Variants in SV2A observed in about 807,000 individuals in gnomAD.
SV2A encodes synaptic vesicle glycoprotein 2A, also known as solute carrier family 22 member B1.
In SV2A, 25 loss-of-function variants were observed where a neutral mutation model predicts 78.0. The observed-to-expected ratio is 0.32, with a 90% CI of 0.23 to 0.45. The LOEUF (loss-of-function observed/expected upper bound fraction) is 0.45, where lower values mean the gene tolerates loss of function less well. Among genes scored for constraint, SV2A ranks in the 20% least tolerant of loss-of-function variants. The probability of loss-of-function intolerance (pLI) is 1.00; values close to 1 mark genes in which losing one functional copy is unlikely to be tolerated. For synonymous variants in SV2A, 355 were observed against 384.7 expected, an observed-to-expected ratio of 0.92 and a Z score of 0.90; for missense variants, 752 against 971.5, an observed-to-expected ratio of 0.77 and a Z score of 3.00.
At chr1:149,909,375 C>T (rs2092460572) in intron 7 of SV2A, 86 bp downstream of exon 7, 3 of 1,547,024 alleles carry the variant, frequency 1.9e-6, no homozygotes, top group South Asian at 1.1e-5. Context: ...CTTCAGCTCA[C>T]CCATCACCCA....
At chr1:149,917,187 A>G (rs1196372497) in intron 1 of SV2A, among the ~76,000 whole-genome samples, 5 of 137,886 alleles carry the variant, frequency 3.6e-5, no homozygotes, top group African/African-American at 1.4e-4. Flanking sequence ...CCCGCCATCC[A>G]TGCCCCCAAC....
chr1:149,909,465 C>G lies in SV2A; in HGVS notation c.1286G>C (p.Gly429Ala), dbSNP rs1553763336. 6 of 1,613,330 alleles carry G rather than the reference C, an allele frequency of 3.7e-6. No homozygotes were observed. The East Asian group carries it at 1.1e-4, about 30-fold the overall frequency. The stretch of plus-strand genomic sequence containing the variant: ...TACCACCCCGTCCACCATTACCTGC[C>G]CCCCTAGGCTCAAGGCCCGGACCCC... ...RWGVRALSLGGQVWGNFLSCF... is the reference protein window; with the variant it reads ...RWGVRALSLGAQVWGNFLSCF... The change falls in exon 7 of 13, where the codon GGG becomes GCG. Residue 429 changes from glycine to alanine, a missense_variant. Gly to Ala is a moderately conservative substitution (Grantham distance 60). Coordinates refer to ENST00000369146, the MANE Select transcript of SV2A (RefSeq NM_014849.5).
chr1:149,906,037 C>T lies in SV2A; in HGVS notation c.1888G>A (p.Gly630Ser). ...GAGACACAGGACATCACGCTGGAGCCAGCTGGAGCCAGGAGAGGAGAGAGC... is the reference window on the plus strand; with the variant it reads ...GAGACACAGGACATCACGCTGGAGCTAGCTGGAGCCAGGAGAGGAGAGAGC... ...DKIGRLRMLAGSSVMSCVSCF... is the reference protein window; with the variant it reads ...DKIGRLRMLASSSVMSCVSCF... The change falls in exon 12 of 13, where the codon GGC (glycine) becomes AGC (serine). Residue 630 changes from glycine (G) to serine (S), a missense_variant and splice_region_variant. Physicochemically the swap from Gly to Ser is moderately conservative, Grantham distance 56. This residue lies in a region of SV2A where 186 missense variants were observed against 274.6 expected (regional missense o/e 0.68). Transcript: ENST00000369146. 6.2e-7 allele frequency: 1 copy of T among 1,614,068 alleles called. No individual in the cohort carries two copies. Among genetic ancestry groups the T allele is most frequent in the Non-Finnish European group, 8.5e-7 (1 of 1,180,020 alleles).
Position 149,913,939 on chromosome 1 carries a change from A to C in SV2A, c.-99T>G. The C allele has an allele frequency of 1.3e-6, 2 of 1,495,922 alleles. No homozygotes were observed. The highest frequency in any genetic ancestry group is 1.4e-5 in the South Asian group (1 of 73,388). 92.7% of individuals were successfully genotyped at this position (1,495,922 alleles called of 1,614,324 possible). ...TAGAGTCAAAAAGACCCCTCCCCAC[A>C]GTTACTTAGATGAAGCGTGTTCCAG... On this transcript the variant is annotated 5_prime_UTR_variant, in exon 2 of 13. Transcript: ENST00000369146.
rs1559789757 is a variant in SV2A, at chr1:149,910,650, C to T, written c.1009G>A (p.Val337Ile). 13 of 1,613,848 alleles carry T rather than the reference C, an allele frequency of 8.1e-6. No individual in the cohort carries two copies. The highest frequency in any genetic ancestry group is 2.2e-5 in the South Asian group (2 of 91,034). Residue 337 changes from valine to isoleucine, a missense_variant, in exon 5 of 13, where the codon GTC becomes ATC. By Grantham distance (29) the Val-to-Ile change is conservative (BLOSUM62 3). Coordinates refer to ENST00000369146, the MANE Select transcript of SV2A (RefSeq NM_014849.5). The surrounding 1 kb of genome is among the most constrained non-coding windows in gnomAD (Gnocchi z 4.2). Reference sequence around the variant, plus strand: ...ACAGAAGGAAAGGCGCAGACGAGGACGAAGACCCTCCAGCTGTGGAACTGG... The same window carrying T: ...ACAGAAGGAAAGGCGCAGACGAGGATGAAGACCCTCCAGCTGTGGAACTGG... ...AYQFHSWRVF[V>I]LVCAFPSVFA... is the part of the protein sequence containing the mutation.
Position 149,904,745 on chromosome 1 carries a change from G to T in SV2A, c.*269C>A. The T allele has an allele frequency of 2.7e-6, 1 of 373,280 alleles. No homozygotes were observed. 23.1% of individuals were successfully genotyped at this position (373,280 alleles called of 1,614,324 possible). Reference sequence around the variant, plus strand: ...CCCTCTCTAACAGGGGGAGAAGGATGGGGCTCAGCCTTCTCTTGTGCAAAG... The same window carrying T: ...CCCTCTCTAACAGGGGGAGAAGGATTGGGCTCAGCCTTCTCTTGTGCAAAG... On this transcript the variant is annotated 3_prime_UTR_variant, in exon 13 of 13. Transcript: ENST00000369146.
At chr1:149,909,316 A>T in intron 7 of SV2A, 36 bp from the exon 8 acceptor site, 1 of 1,606,466 alleles carries the variant, frequency 6.2e-7, no homozygotes. Flanking sequence ...CCTTGACTAT[A>T]CTAAGTTCTA....
rs978622484 is a variant in SV2A at position 149,904,481 on chromosome 1, A to T, written c.*533T>A. 6.5e-6 allele frequency: 1 copy of T among 153,042 alleles called. No individual in the cohort carries two copies. The highest frequency in any genetic ancestry group is 1.5e-5 in the Non-Finnish European group (1 of 68,332). 9.5% of individuals were successfully genotyped at this position (153,042 alleles called of 1,614,324 possible). A position where few individuals can be genotyped will look rare whatever the true frequency, so the allele number is the denominator to read the frequency against. On this transcript the variant is annotated 3_prime_UTR_variant, in exon 13 of 13. Transcript: ENST00000369146. ...ATATTTGCAGCCCAAATTGAGAGGA[A>T]AGTGGAGGCCAGAGGGCTGAGGTTT...
chr1:149,904,870 C>T lies in SV2A; in HGVS notation c.*144G>A, dbSNP rs940656985. The T allele has an allele frequency of 1.9e-5, 17 of 889,912 alleles. No homozygotes were observed. Among genetic ancestry groups the T allele is most frequent in the South Asian group, 1.1e-4 (6 of 55,510 alleles). The allele number at this position is 889,912 out of a possible 1,614,324, so 55.1% of individuals were successfully genotyped here. On this transcript the variant is annotated 3_prime_UTR_variant, in exon 13 of 13. Coordinates refer to ENST00000369146, the MANE Select transcript of SV2A (RefSeq NM_014849.5). ...CCCACGGGGTTTACACACATGCACA[C>T]GCACACGCACACACAGCTAAGACAC... is the stretch of plus-strand genomic sequence containing the variant.
chr1:149,909,116 C>T (rs2092458172), intron 8 of SV2A, 76 bp downstream of exon 8: 1 of 1,444,508 alleles, frequency 6.9e-7, no homozygotes, highest in Non-Finnish European at 9.7e-7. Context: ...CCCTGCATCT[C>T]CATTCTCCCC....
intron 2 of SV2A, 66 bp from the exon 3 acceptor site, chr1:149,912,046 G>A: frequency 6.7e-7 from 1 of 1,495,984 alleles, no homozygotes; most frequent in Non-Finnish European, 9.0e-7. Context: ...CCCAGGAGAT[G>A]AGCACTGAGG....
chr1:149,906,251 A>G (rs1171464160), intron 11 of SV2A, among the ~76,000 whole-genome samples: 2 of 152,166 alleles, frequency 1.3e-5, no homozygotes, highest in Non-Finnish European at 2.9e-5. Context: ...CATTTATTCA[A>G]TGCCAGCCAT....
At chr1:149,911,672 A>G in intron 3 of SV2A, 128 bp downstream of exon 3, 1 of 964,642 alleles carries the variant, frequency 1.0e-6, no homozygotes, top group Non-Finnish European at 1.5e-6. Flanking sequence ...AAAGGAACTC[A>G]TTCATCCGTT....
In SV2A at chr1:149,906,636, C is replaced by G. The variant is rs1206697008; in HGVS notation, c.1885+14G>C. The G allele has an allele frequency of 1.2e-6, 2 of 1,613,698 alleles. No individual in the cohort carries two copies. Among genetic ancestry groups the G allele is most frequent in the African/African-American group, 2.7e-5 (2 of 74,906 alleles). The stretch of plus-strand genomic sequence containing the variant: ...GCCCCTACTATCAGATCTGACTCAG[C>G]CTCTCCCCCTTACCAAGCATTCTGA... On this transcript the variant is annotated intron_variant, in intron 11 of 12. Coordinates refer to ENST00000369146, the MANE Select transcript of SV2A (RefSeq NM_014849.5).
Position 149,910,790 on chromosome 1 carries a change from G to A in SV2A, c.955+36C>T, listed in dbSNP as rs587754454. Reference sequence around the variant, plus strand: ...GGAGCACAGAAGAAGAGGGAGGAGGGAGATAACCTGGGGTGGATTTCCGGG... The same window carrying A: ...GGAGCACAGAAGAAGAGGGAGGAGGAAGATAACCTGGGGTGGATTTCCGGG... On this transcript the variant is annotated intron_variant, in intron 4 of 12. Transcript: ENST00000369146. The surrounding 1 kb of genome is among the most constrained non-coding windows in gnomAD (Gnocchi z 4.2). 2 of 1,611,982 alleles carry A rather than the reference G, an allele frequency of 1.2e-6. No homozygotes were observed. The highest frequency in any genetic ancestry group is 1.7e-5 in the Admixed American group (1 of 59,966).
Position 149,906,780 on chromosome 1 carries a change from T to C in SV2A, c.1755A>G (p.Leu585=). Residue 585 remains leucine, a synonymous_variant, in exon 11 of 13, where the codon CTA becomes CTG. Transcript: ENST00000369146. ...CACCTTCGCCCGTCCCTGTCACGTC[T>C]AGCGGGCAGCCCTCCTTGTTGTGCA... ...TFLHNKEGCP[L]DVTGTGEGAY... 1 of 1,614,222 alleles carries C rather than the reference T, an allele frequency of 6.2e-7. No homozygotes were observed. The highest frequency in any genetic ancestry group is 8.5e-7 in the Non-Finnish European group (1 of 1,180,038).
chr1:149,912,070 T>C (rs1571506275), intron 2 of SV2A, 90 bp from the exon 3 acceptor site: 1 of 1,352,196 alleles, frequency 7.4e-7, no homozygotes, highest in East Asian at 2.5e-5. Context: ...CTGAAGGATC[T>C]GAAAAACTTC....
intron 10 of SV2A, among the ~76,000 whole-genome samples, chr1:149,907,344 G>C (rs1350522977): frequency 6.6e-6 from 1 of 152,104 alleles, no homozygotes; most frequent in African/African-American, 2.4e-5. Context: ...GTGGATTCAT[G>C]CAATGATCCG....
Position 149,905,979 on chromosome 1 carries a change from G to T in SV2A, c.1946C>A (p.Ser649Ter). The T allele has an allele frequency of 6.2e-7, 1 of 1,614,114 alleles. No individual in the cohort carries two copies. The change falls in exon 12 of 13, where the codon TCG becomes TAG. Residue 649 changes from serine (S) to a stop codon, truncating the protein, a stop_gained. Coordinates refer to ENST00000369146, the MANE Select transcript of SV2A (RefSeq NM_014849.5). LOFTEE classifies it high-confidence loss of function. ...CFFLSFGNSE[S>*]AMIALLCLFG... ...AAGGCAGAGCAGAGCGATCATGGCC[G>T]ACTCACTGTTCCCAAAAGACAGGAA...
Sources: allele counts gnomAD v4.1 joint callset (sites outside exome capture counted in the v4.1 genomes callset), GRCh38; gene constraint gnomAD v4.1.1; regional missense constraint gnomAD v4.1.1; non-coding constraint Gnocchi (gnomAD v3.1); transcripts MANE v1.5; gene names NCBI Gene and HGNC (gene_info 2026-07-23, HGNC 2026-07-21).